Variants in SLC5A1 observed in about 807,000 individuals in gnomAD.
SLC5A1 encodes the protein solute carrier family 5 member 1.
Under a neutral mutation model 73.5 loss-of-function variants are expected in SLC5A1, and 42 were observed. The ratio of observed to expected loss-of-function variants is 0.57; its 90% CI spans 0.45 to 0.74. SLC5A1 has a LOEUF of 0.74. Ranked by LOEUF, SLC5A1 falls within the 30% of genes least tolerant of loss-of-function variation. The pLI is 0.00. For synonymous variants in SLC5A1, 300 were observed against 317.4 expected (o/e 0.95, Z 0.58); for missense variants, 634 against 855.4 (o/e 0.74, Z 3.23).
At chr22:32,047,582 C>T (rs2093938803) in intron 1 of SLC5A1, among the ~76,000 whole-genome samples, 1 of 152,138 alleles carries the variant, frequency 6.6e-6, no homozygotes, top group African/African-American at 2.4e-5. Flanking sequence ...TGCCAGGAGT[C>T]CAGAAAGACC....
intron 2 of SLC5A1, among the ~76,000 whole-genome samples, chr22:32,064,007 A>G (rs9609420): frequency 0.068 from 10,343 of 152,232 alleles, 487 homozygotes; most frequent in Non-Finnish European, 0.1. Context: ...TTAAAGGACA[A>G]TGTCCCTGTT....
In SLC5A1 at chr22:32,043,440, G is replaced by A. The variant is rs201079048; in HGVS notation, c.135+24G>A. On this transcript the variant is annotated intron_variant, in intron 1 of 14. Transcript: ENST00000266088. The surrounding 1 kb of genome is among the most constrained non-coding windows in gnomAD (Gnocchi z 6.5). ...GGGTATGCAGCGGGTTCTGGGATGC[G>A]GGTGGGGAGGGTGCGCACAGAGGAG... 38 of 1,612,430 alleles carry A rather than the reference G, an allele frequency of 2.4e-5. No homozygotes were observed. The highest frequency in any genetic ancestry group is 4.0e-5 in the African/African-American group (3 of 75,010).
intron 11 of SLC5A1, among the ~76,000 whole-genome samples, chr22:32,095,500 A>G (rs2094024814): frequency 6.6e-6 from 1 of 152,082 alleles, no homozygotes; most frequent in Admixed American, 6.5e-5. Context: ...CCTAGTAGTA[A>G]TTGTTTTATA....
intron 5 of SLC5A1, among the ~76,000 whole-genome samples, chr22:32,072,372 T>C (rs972949613): frequency 2.6e-5 from 4 of 152,210 alleles, no homozygotes; most frequent in Non-Finnish European, 1.5e-5. Flanking sequence ...GCTCCATCCA[T>C]GGTGCTGCAA....
chr22:32,106,031 G>A (rs1463674170), intron 14 of SLC5A1, among the ~76,000 whole-genome samples: 1 of 152,222 alleles, frequency 6.6e-6, no homozygotes, highest in Non-Finnish European at 1.5e-5. Flanking sequence ...ATTGTAAACA[G>A]TGCAGCAACA....
chr22:32,110,626 AT>A lies in SLC5A1; in HGVS notation c.*423del, dbSNP rs140860103. ...ACTTTTCCTGTCCGTCCTCCTCCCCATTTTTTTTTTAAAAGAAAGCTGTTTT... is the reference window on the plus strand; with the variant it reads ...ACTTTTCCTGTCCGTCCTCCTCCCCATTTTTTTTTAAAAGAAAGCTGTTTT... On this transcript the variant is annotated 3_prime_UTR_variant, in exon 15 of 15. Transcript: ENST00000266088. 2,248 of 243,322 alleles carry A rather than the reference AT, an allele frequency of 9.2e-3. No homozygotes were observed. The highest frequency in any genetic ancestry group is 0.018 in the South Asian group (375 of 20,868). 15.1% of individuals were successfully genotyped at this position (243,322 alleles called of 1,614,324 possible).
In SLC5A1 at chr22:32,102,234, G is replaced by A; in HGVS notation, c.1662G>A (p.Val554=). The A allele has an allele frequency of 6.2e-7, 1 of 1,607,550 alleles. No homozygotes were observed. Among genetic ancestry groups the A allele is most frequent in the Non-Finnish European group, 8.5e-7 (1 of 1,174,174 alleles). ...TCCTCACCAAACCCATTCCGGATGT[G>A]CATGTGAGTATCCATTTAGGGGATC... The part of the protein sequence containing the change: ...ISLLTKPIPD[V]HLYRLCWSLR... The change falls in exon 13 of 15, where the codon GTG becomes GTA. Residue 554 remains valine (V), a synonymous_variant. Transcript: ENST00000266088.
chr22:32,110,707 A>C lies in SLC5A1; in HGVS notation c.*494A>C. On this transcript the variant is annotated 3_prime_UTR_variant, in exon 15 of 15. Coordinates refer to ENST00000266088, the MANE Select transcript of SLC5A1 (RefSeq NM_000343.4). ...CTGGACTTTCCCTCTCAAGTGTGTC[A>C]ATCAGGTAAACTGAGGAATGCATGG... 1 of 229,212 alleles carries C rather than the reference A, an allele frequency of 4.4e-6. No homozygotes were observed. Among genetic ancestry groups the C allele is most frequent in the South Asian group, 6.4e-5 (1 of 15,714 alleles). 14.2% of individuals were successfully genotyped at this position (229,212 alleles called of 1,614,324 possible). A position where few individuals can be genotyped will look rare whatever the true frequency, so the allele number is the denominator to read the frequency against.
At chr22:32,054,338 G>A (rs891708038) in intron 2 of SLC5A1, among the ~76,000 whole-genome samples, 3 of 152,222 alleles carry the variant, frequency 2.0e-5, no homozygotes, top group African/African-American at 4.8e-5. Flanking sequence ...CCATGTGCAT[G>A]TGTGTGTTTA....
At chr22:32,087,974 A>G (rs1172518843) in intron 10 of SLC5A1, among the ~76,000 whole-genome samples, 2 of 152,220 alleles carry the variant, frequency 1.3e-5, no homozygotes, top group Admixed American at 6.5e-5. Flanking sequence ...CTTTTAAAAA[A>G]TTAAAAAACT....
chr22:32,067,512 C>T (rs1160703861), intron 3 of SLC5A1, among the ~76,000 whole-genome samples: 6 of 151,956 alleles, frequency 3.9e-5, no homozygotes, highest in Non-Finnish European at 2.9e-5. Flanking sequence ...GCTGGGACTA[C>T]AGGCATGTGC....
chr22:32,085,728 T>G (rs1467500922), intron 9 of SLC5A1, among the ~76,000 whole-genome samples: 1 of 152,086 alleles, frequency 6.6e-6, no homozygotes, highest in Non-Finnish European at 1.5e-5. Context: ...TCAGAGCTCA[T>G]CAGTGTGTCA....
chr22:32,102,263 C>G (rs2094037912), intron 13 of SLC5A1, 26 bp downstream of exon 13: 1 of 1,544,866 alleles, frequency 6.5e-7, no homozygotes, highest in Non-Finnish European at 8.9e-7. Flanking sequence ...GGGGATCTGT[C>G]CTTGTTTCAT....
chr22:32,110,454 A>C lies in SLC5A1; in HGVS notation c.*241A>C, dbSNP rs1412900194. ...GGAGCTGCAGAAGGGAAGTCCACTCAGTCACATCCAGAAAAAGGCAGACTA... is the reference window on the plus strand; with the variant it reads ...GGAGCTGCAGAAGGGAAGTCCACTCCGTCACATCCAGAAAAAGGCAGACTA... On this transcript the variant is annotated 3_prime_UTR_variant, in exon 15 of 15. Coordinates refer to ENST00000266088, the MANE Select transcript of SLC5A1 (RefSeq NM_000343.4). 9.0e-6 allele frequency: 5 copies of C among 554,098 alleles called. No individual in the cohort carries two copies. The highest frequency in any genetic ancestry group is 3.8e-5 in the African/African-American group (2 of 53,016). 34.3% of individuals were successfully genotyped at this position (554,098 alleles called of 1,614,324 possible). A position where few individuals can be genotyped will look rare whatever the true frequency, so the allele number is the denominator to read the frequency against.
rs1243312183 is a variant in SLC5A1, at chr22:32,085,028, G to A, written c.1014G>A (p.Leu338=). 6.2e-7 allele frequency: 1 copy of A among 1,614,154 alleles called. No homozygotes were observed. The highest frequency in any genetic ancestry group is 1.1e-5 in the South Asian group (1 of 91,082). The change falls in exon 9 of 15, where the codon CTG becomes CTA. Residue 338 remains leucine (L), a synonymous_variant. Coordinates refer to ENST00000266088, the MANE Select transcript of SLC5A1 (RefSeq NM_000343.4). ...MVMPGMISRI[L]YTEKIACVVP... is the part of the protein sequence containing the mutation. Reference sequence around the variant, plus strand: ...TGCCAGGAATGATCAGCCGCATTCTGTACACAGGTAATAACTTCTGCTGGA... The same window carrying A: ...TGCCAGGAATGATCAGCCGCATTCTATACACAGGTAATAACTTCTGCTGGA...
At chr22:32,077,211 C>T (rs1470103740) in intron 5 of SLC5A1, among the ~76,000 whole-genome samples, 1 of 150,796 alleles carries the variant, frequency 6.6e-6, no homozygotes, top group African/African-American at 2.4e-5. Flanking sequence ...TCCCTCTTTC[C>T]TTCCTTCTTT....
chr22:32,084,515 C>A lies in SLC5A1; in HGVS notation c.741C>A (p.Gly247=). 1 of 1,614,246 alleles carries A rather than the reference C, an allele frequency of 6.2e-7. No homozygotes were observed. Among genetic ancestry groups the A allele is most frequent in the Non-Finnish European group, 8.5e-7 (1 of 1,180,038 alleles). The change falls in exon 8 of 15, where the codon GGC becomes GGA. Residue 247 remains glycine, a synonymous_variant. Coordinates refer to ENST00000266088, the MANE Select transcript of SLC5A1 (RefSeq NM_000343.4). ...CCATTCCAACCATAGTGTCTGATGG[C>A]AACACCACCTTTCAGGAAAAATGCT... ...MKAIPTIVSD[G]NTTFQEKCYT...
At chr22:32,051,944 G>C (rs987529201) in intron 2 of SLC5A1, among the ~76,000 whole-genome samples, 3 of 152,218 alleles carry the variant, frequency 2.0e-5, no homozygotes, top group Admixed American at 6.5e-5. Flanking sequence ...GACACACACA[G>C]ACAGTCTCAG....
Position 32,043,924 on chromosome 22 carries a change from G to C in SLC5A1, c.135+508G>C, listed in dbSNP as rs563056086. ...GCTGACCCATGCCCCACTCCTGGGA[G>C]AGGCTAACCCAGAGGCCTTGTGCAT... is the stretch of plus-strand genomic sequence containing the variant. On this transcript the variant is annotated intron_variant, in intron 1 of 14. Transcript: ENST00000266088. The surrounding 1 kb of genome is among the most constrained non-coding windows in gnomAD (Gnocchi z 6.5). 6.6e-6 allele frequency among the ~76,000 whole-genome samples: 1 copy of C among 152,334 alleles called. No homozygotes were observed. The highest frequency in any genetic ancestry group is 2.1e-4 in the South Asian group (1 of 4,828).
Sources: allele counts gnomAD v4.1 joint callset (sites outside exome capture counted in the v4.1 genomes callset), GRCh38; gene constraint gnomAD v4.1.1; non-coding constraint Gnocchi (gnomAD v3.1); transcripts MANE v1.5; gene names NCBI Gene and HGNC (gene_info 2026-07-23, HGNC 2026-07-21).